Variants in TRIP12 observed in about 807,000 individuals in gnomAD.
TRIP12 encodes the protein E3 ubiquitin-protein ligase TRIP12.
Under a neutral mutation model 244.2 loss-of-function variants are expected in TRIP12, and 25 were observed. The observed-to-expected ratio is 0.10, with a 90% CI of 0.07 to 0.14. TRIP12 has a LOEUF of 0.14. Among genes scored for constraint, TRIP12 ranks in the 10% least tolerant of loss-of-function variants. The pLI is 1.00. For synonymous variants in TRIP12, 905 were observed against 873.1 expected, an observed-to-expected ratio of 1.04 and a Z score of -0.64; for missense variants, 1,677 against 2,486.4, an observed-to-expected ratio of 0.67 and a Z score of 6.92.
Position 229,858,837 on chromosome 2 carries a change from A to T in TRIP12, c.962T>A (p.Leu321His). ...KVSLPKTKLS[L>H]PGSSKSETSK... ...TGTCTCTGACTTAGAAGACCCTGGA[A>T]GAGACAGTTTTGTTTTAGGAAGGCT... is the stretch of plus-strand genomic sequence containing the variant. Residue 321 changes from leucine (L) to histidine (H), a missense_variant, in exon 4 of 42, where the codon CTT becomes CAT. By Grantham distance (99) the Leu-to-His change is moderately conservative. This residue lies in a region of TRIP12 where 387 missense variants were observed against 392.6 expected (regional missense o/e 0.99). Transcript: ENST00000675903. The T allele has an allele frequency of 6.2e-7, 1 of 1,614,096 alleles. No individual in the cohort carries two copies. The highest frequency in any genetic ancestry group is 8.5e-7 in the Non-Finnish European group (1 of 1,179,964).
chr2:229,780,264 C>T (rs1277918921), intron 34 of TRIP12, among the ~76,000 whole-genome samples: 1 of 152,192 alleles, frequency 6.6e-6, no homozygotes, highest in African/African-American at 2.4e-5. Context: ...TTTAAACTCG[C>T]ATAATCCAAT....
At position 229,818,345 on chromosome 2, in the gene TRIP12, G is replaced by A. The variant is rs774598978; in HGVS notation, c.1599+19C>T. On this transcript the variant is annotated intron_variant, in intron 9 of 41. Coordinates refer to ENST00000675903, the MANE Select transcript of TRIP12 (RefSeq NM_001348323.3). Reference sequence around the variant, plus strand: ...AGAGGACAAATGAGGTAAAAACGAGGGAAAAACATTATGCTTACCAAAGCT... The same window carrying A: ...AGAGGACAAATGAGGTAAAAACGAGAGAAAAACATTATGCTTACCAAAGCT... The A allele has an allele frequency of 6.2e-7, 1 of 1,611,514 alleles. No individual in the cohort carries two copies. The highest frequency in any genetic ancestry group is 8.5e-7 in the Non-Finnish European group (1 of 1,178,904).
chr2:229,838,617 A>G (rs1406455172), intron 5 of TRIP12, among the ~76,000 whole-genome samples: 1 of 152,210 alleles, frequency 6.6e-6, no homozygotes, highest in Non-Finnish European at 1.5e-5. Flanking sequence ...GACTTCGCAT[A>G]TGGCTTAAAA....
At chr2:229,790,789 T>C (rs1015561913) in intron 30 of TRIP12, among the ~76,000 whole-genome samples, 17 of 152,212 alleles carry the variant, frequency 1.1e-4, no homozygotes, top group Non-Finnish European at 2.2e-4. Flanking sequence ...TAGGGGCCAA[T>C]TGGCCAATTA....
chr2:229,896,466 C>A (rs1187823390), intron 1 of TRIP12, among the ~76,000 whole-genome samples: 1 of 151,900 alleles, frequency 6.6e-6, no homozygotes, highest in Non-Finnish European at 1.5e-5. Context: ...GGTGAAACCC[C>A]GTTTCTACTA....
At chr2:229,840,064 C>T (rs1376899222) in intron 5 of TRIP12, among the ~76,000 whole-genome samples, 3 of 152,046 alleles carry the variant, frequency 2.0e-5, no homozygotes, top group African/African-American at 7.2e-5. Flanking sequence ...ACCAACTGGG[C>T]AACAGTACAG....
chr2:229,854,908 T>C (rs1297844008), intron 4 of TRIP12, among the ~76,000 whole-genome samples: 1 of 152,172 alleles, frequency 6.6e-6, no homozygotes, highest in East Asian at 1.9e-4. Context: ...TCTGTGACCT[T>C]AGACAGGTAA....
intron 9 of TRIP12, among the ~76,000 whole-genome samples, chr2:229,817,169 T>C (rs2048710423): frequency 6.6e-6 from 1 of 152,318 alleles, no homozygotes; most frequent in Middle Eastern, 3.4e-3. Context: ...GCTATCTCCA[T>C]AATTTGATAA....
chr2:229,912,058 AAAC>A (rs1465350869), intron 1 of TRIP12, among the ~76,000 whole-genome samples: 5 of 152,248 alleles, frequency 3.3e-5, no homozygotes, highest in Non-Finnish European at 7.3e-5. Context: ...AAATCTGAAC[AAAC>A]AACAGTTGAA....
rs1363589551 is a variant in TRIP12 at position 229,769,332 on chromosome 2, G to A, written c.5809-7C>T. On this transcript the variant is annotated splice_region_variant and splice_polypyrimidine_tract_variant and intron_variant, in intron 39 of 41. Coordinates refer to ENST00000675903, the MANE Select transcript of TRIP12 (RefSeq NM_001348323.3). ...CACAAAGGAGCTGATCCAGCTGTGAGTTTAAATAAGGGTAAAAAGAATTAC... is the reference window on the plus strand; with the variant it reads ...CACAAAGGAGCTGATCCAGCTGTGAATTTAAATAAGGGTAAAAAGAATTAC... 6.2e-7 allele frequency: 1 copy of A among 1,613,178 alleles called. No individual in the cohort carries two copies. The highest frequency in any genetic ancestry group is 2.2e-5 in the East Asian group (1 of 44,836).
rs778263987 is a variant in TRIP12 at position 229,785,900 on chromosome 2, T to C, written c.4996-45A>G. 4.6e-6 allele frequency: 7 copies of C among 1,520,634 alleles called. No individual in the cohort carries two copies. In the Admixed American group the frequency reaches 6.3e-5, roughly 14 times the overall value. The allele number at this position is 1,520,634 out of a possible 1,614,324, so 94.2% of individuals were successfully genotyped here. ...GTCAGGAAACTATGCTCTACCCATA[T>C]TACACTTTAATAAACAGGTGGCATT... On this transcript the variant is annotated intron_variant, in intron 33 of 41. Coordinates refer to ENST00000675903, the MANE Select transcript of TRIP12 (RefSeq NM_001348323.3).
chr2:229,835,094 G>C (rs548992450), intron 6 of TRIP12, among the ~76,000 whole-genome samples: 1 of 152,246 alleles, frequency 6.6e-6, no homozygotes, highest in Non-Finnish European at 1.5e-5. Flanking sequence ...TTAACGTAAA[G>C]CTGCTAAATA....
At chr2:229,773,398 T>G (rs896768326) in intron 38 of TRIP12, among the ~76,000 whole-genome samples, 6 of 152,118 alleles carry the variant, frequency 3.9e-5, no homozygotes, top group Admixed American at 1.3e-4. Context: ...GTATGTATTT[T>G]TAAGAGAAAC....
intron 25 of TRIP12, 63 bp from the exon 26 acceptor site, chr2:229,795,393 G>A (rs2042563157): frequency 6.5e-7 from 1 of 1,535,368 alleles, no homozygotes. Context: ...TCTCCTCAAA[G>A]AGAAGATTTA....
At chr2:229,859,680 A>T in intron 3 of TRIP12, 106 bp from the exon 4 acceptor site, 1 of 1,237,466 alleles carries the variant, frequency 8.1e-7, no homozygotes. Context: ...TACTAAGTCC[A>T]GTATTAAACA....
chr2:229,828,343 T>G (rs1368540455), intron 8 of TRIP12, among the ~76,000 whole-genome samples: 3 of 88,660 alleles, frequency 3.4e-5, no homozygotes, highest in Non-Finnish European at 8.1e-5. Context: ...CAGTGATTTG[T>G]TTTTTTTTTT....
chr2:229,912,803 T>C (rs2074575424), intron 1 of TRIP12, among the ~76,000 whole-genome samples: 1 of 152,230 alleles, frequency 6.6e-6, no homozygotes, highest in African/African-American at 2.4e-5. Flanking sequence ...CTCTTCTTTT[T>C]CAGCACCCTC....
intron 8 of TRIP12, among the ~76,000 whole-genome samples, chr2:229,821,089 T>C (rs768483718): frequency 9.9e-5 from 15 of 152,136 alleles, no homozygotes; most frequent in Non-Finnish European, 2.1e-4. Context: ...GTCTTGGGAG[T>C]AAAGACCTAA....
chr2:229,794,090 C>T (rs188415758), intron 26 of TRIP12, among the ~76,000 whole-genome samples: 1 of 152,152 alleles, frequency 6.6e-6, no homozygotes, highest in African/African-American at 2.4e-5. Context: ...TCAAAATGCC[C>T]CCTTATTTCA....
Sources: gnomAD v4.1 joint callset for allele counts (sites outside exome capture counted in the v4.1 genomes callset) on GRCh38, gnomAD v4.1.1 for gene constraint, gnomAD v4.1.1 regional missense constraint, MANE v1.5 for transcripts, NCBI Gene and HGNC (gene_info 2026-07-23, HGNC 2026-07-21) for gene names.